Variants in PHACTR1 observed in about 807,000 individuals in gnomAD.
PHACTR1 encodes the protein RPEL repeat containing 1.
Under a neutral mutation model 69.2 loss-of-function variants are expected in PHACTR1, and 16 were observed. The ratio of observed to expected loss-of-function variants is 0.23; its 90% CI spans 0.16 to 0.35. PHACTR1 has a LOEUF of 0.35. Among genes scored for constraint, PHACTR1 ranks in the 10% least tolerant of loss-of-function variants. The pLI, the probability that PHACTR1 is intolerant of heterozygous loss-of-function variation, is 1.00. For synonymous variants in PHACTR1, 312 were observed against 284.5 expected (o/e 1.10, Z -0.97); for missense variants, 510 against 734.7 (o/e 0.69, Z 3.54).
intron 4 of PHACTR1, among the ~76,000 whole-genome samples, chr6:12,875,737 T>C (rs1012542880): frequency 2.0e-5 from 3 of 152,208 alleles, no homozygotes; most frequent in African/African-American, 7.2e-5. Context: ...TTCCAGTTAA[T>C]GGAGAATTTG....
chr6:13,181,537 A>G (rs1360844166), intron 6 of PHACTR1, among the ~76,000 whole-genome samples: 3 of 152,042 alleles, frequency 2.0e-5, no homozygotes, highest in African/African-American at 7.2e-5. Flanking sequence ...ACACAGGGGG[A>G]ATTGTGATTT....
intron 4 of PHACTR1, among the ~76,000 whole-genome samples, chr6:12,833,196 C>G (rs2127731394): frequency 6.6e-6 from 1 of 151,958 alleles, no homozygotes; most frequent in East Asian, 1.9e-4. Context: ...CGTGTTAAAC[C>G]TGGGCACATC....
intron 5 of PHACTR1, among the ~76,000 whole-genome samples, chr6:13,086,585 T>A (rs558194593): frequency 6.6e-6 from 1 of 152,306 alleles, no homozygotes; most frequent in African/African-American, 2.4e-5. Context: ...AATGGAATTA[T>A]GTAGCACGTA....
intron 4 of PHACTR1, among the ~76,000 whole-genome samples, chr6:12,826,248 C>T (rs990752610): frequency 2.0e-5 from 3 of 152,012 alleles, no homozygotes; most frequent in Non-Finnish European, 4.4e-5. Context: ...ATATACTCCC[C>T]AAAAAGATAA....
At chr6:12,771,594 A>T (rs969214813) in intron 4 of PHACTR1, among the ~76,000 whole-genome samples, 1 of 152,206 alleles carries the variant, frequency 6.6e-6, no homozygotes, top group Non-Finnish European at 1.5e-5. Flanking sequence ...TGGATCCGGG[A>T]TGCTCCAGTA....
chr6:12,943,767 C>T (rs999839339), intron 4 of PHACTR1, among the ~76,000 whole-genome samples: 1 of 152,166 alleles, frequency 6.6e-6, no homozygotes, highest in Non-Finnish European at 1.5e-5. Flanking sequence ...TGAATTGACA[C>T]CTGTCAACAT....
chr6:12,886,498 A>G (rs1783657534), intron 4 of PHACTR1, among the ~76,000 whole-genome samples: 1 of 152,084 alleles, frequency 6.6e-6, no homozygotes, highest in Non-Finnish European at 1.5e-5. Context: ...GTCATATTTT[A>G]TGCCCATTTT....
intron 5 of PHACTR1, among the ~76,000 whole-genome samples, chr6:13,115,144 G>T (rs1185358194): frequency 1.3e-5 from 2 of 152,186 alleles, no homozygotes; most frequent in Non-Finnish European, 2.9e-5. Context: ...AACTGTATGA[G>T]ATCCTAACGT....
intron 4 of PHACTR1, among the ~76,000 whole-genome samples, chr6:12,995,055 T>C (rs1009953533): frequency 6.6e-6 from 1 of 152,090 alleles, no homozygotes; most frequent in Non-Finnish European, 1.5e-5. Context: ...TTGATAAATA[T>C]GTTTGTAAAA....
At chr6:13,130,974 T>G (rs1214048262) in intron 5 of PHACTR1, among the ~76,000 whole-genome samples, 1 of 152,100 alleles carries the variant, frequency 6.6e-6, no homozygotes, top group Non-Finnish European at 1.5e-5. Context: ...CAAGTGGGTT[T>G]CATACCAGGG....
chr6:13,265,522 T>A (rs537794911), intron 10 of PHACTR1, among the ~76,000 whole-genome samples: 1 of 152,188 alleles, frequency 6.6e-6, no homozygotes, highest in African/African-American at 2.4e-5. Flanking sequence ...CAGGCAGAAA[T>A]CCTAAATCAC....
intron 4 of PHACTR1, among the ~76,000 whole-genome samples, chr6:12,806,319 A>C (rs1415222125): frequency 6.6e-6 from 1 of 152,238 alleles, no homozygotes; most frequent in Non-Finnish European, 1.5e-5. Context: ...ATCTGGAAGA[A>C]AACGTTCATT....
intron 4 of PHACTR1, among the ~76,000 whole-genome samples, chr6:12,793,997 G>A (rs1420343187): frequency 6.6e-6 from 1 of 152,192 alleles, no homozygotes. Flanking sequence ...GAAATAAAAT[G>A]CAATGGGTGC....
At chr6:12,966,930 G>A (rs537139681) in intron 4 of PHACTR1, among the ~76,000 whole-genome samples, 9 of 152,274 alleles carry the variant, frequency 5.9e-5, no homozygotes, top group African/African-American at 1.7e-4. Context: ...ATTTGGATAA[G>A]CTGGAATAAA....
intron 3 of PHACTR1, chr6:12,749,307 G>T: frequency 2.5e-6 from 1 of 405,510 alleles, no homozygotes; most frequent in Non-Finnish European, 4.8e-6. Flanking sequence ...GGCGGGAGGC[G>T]GGGTGTCAGC....
At chr6:13,188,603 G>A (rs1763109757) in intron 7 of PHACTR1, among the ~76,000 whole-genome samples, 1 of 152,206 alleles carries the variant, frequency 6.6e-6, no homozygotes, top group African/African-American at 2.4e-5. Context: ...CACAGTCAGG[G>A]AAAGTCATGC....
intron 4 of PHACTR1, among the ~76,000 whole-genome samples, chr6:12,824,740 T>C (rs950105988): frequency 2.6e-5 from 4 of 152,212 alleles, no homozygotes; most frequent in Non-Finnish European, 4.4e-5. Context: ...ATATATTAGT[T>C]CTTGGGTCCT....
chr6:13,164,844 A>G (rs9473562), intron 6 of PHACTR1, among the ~76,000 whole-genome samples: 9,120 of 152,288 alleles, frequency 0.06, 740 homozygotes, highest in African/African-American at 0.18. Context: ...TTCAGGCAAA[A>G]TGAGAGCTTG....
rs188384616 is a variant in PHACTR1, at chr6:13,079,519, C to T, written c.415+25990C>T. Among the ~76,000 whole-genome samples, 730 of 152,184 alleles carry T rather than the reference C, an allele frequency of 4.8e-3. 3 individuals are homozygous for T. The highest frequency in any genetic ancestry group is 0.01 in the Admixed American group (157 of 15,270). On this transcript the variant is annotated intron_variant, in intron 5 of 14. Transcript: ENST00000332995. Reference sequence around the variant, plus strand: ...TTTTCTGAGCTTCTCATTAATTTTTCACTCCTCTCGCTACAGGAGACACGC... The same window carrying T: ...TTTTCTGAGCTTCTCATTAATTTTTTACTCCTCTCGCTACAGGAGACACGC...
Sources: allele counts gnomAD v4.1 joint callset (sites outside exome capture counted in the v4.1 genomes callset), GRCh38; gene constraint gnomAD v4.1.1; transcripts MANE v1.5; gene names NCBI Gene and HGNC (gene_info 2026-07-23, HGNC 2026-07-21).